The following TOGARAM2 variants were observed in gnomAD, a reference collection of about 807,000 sequenced individuals.
The protein encoded by TOGARAM2 is TOG array regulator of axonemal microtubules 2.
TOGARAM2 carries 85 observed loss-of-function variants against 93.3 expected under a neutral mutation model. That is an observed-to-expected ratio of 0.91 (90% CI 0.76 to 1.09). The LOEUF is 1.09. TOGARAM2 is among the 50% of genes least tolerant of loss of function. The pLI is 0.00. For synonymous variants in TOGARAM2, 593 were observed against 552.8 expected, an observed-to-expected ratio of 1.07 and a Z score of -1.02; for missense variants, 1,277 against 1,334.5, an observed-to-expected ratio of 0.96 and a Z score of 0.67.
At chr2:29,004,610 A>T (rs1370252366) in intron 6 of TOGARAM2, among the ~76,000 whole-genome samples, 2 of 151,038 alleles carry the variant, frequency 1.3e-5, no homozygotes, top group East Asian at 3.9e-4. Context: ...GCACACATGT[A>T]TGAGTGCCTG....
In TOGARAM2 at chr2:28,987,127, A is replaced by G. The variant is rs574543925; in HGVS notation, c.-111+5589A>G. Among the ~76,000 whole-genome samples the G allele has an allele frequency of 5.9e-5, 9 of 152,348 alleles. No homozygotes were observed. In the East Asian group the frequency reaches 1.5e-3, roughly 26 times the overall value. Reference sequence around the variant, plus strand: ...GAACCTCAATCATCTTGTCTATAAAATGAAGATGAAAATACATACTTTCTT... The same window carrying G: ...GAACCTCAATCATCTTGTCTATAAAGTGAAGATGAAAATACATACTTTCTT... On this transcript the variant is annotated intron_variant, in intron 1 of 19. Coordinates refer to ENST00000379558, the MANE Select transcript of TOGARAM2 (RefSeq NM_199280.4).
chr2:29,040,590 T>A (rs1336054226), intron 18 of TOGARAM2, among the ~76,000 whole-genome samples: 3 of 152,212 alleles, frequency 2.0e-5, no homozygotes, highest in Non-Finnish European at 4.4e-5. Context: ...GATTCATTCC[T>A]TGTTTATGAG....
At chr2:29,037,619 C>T (rs1192992699) in intron 18 of TOGARAM2, among the ~76,000 whole-genome samples, 1 of 152,152 alleles carries the variant, frequency 6.6e-6, no homozygotes, top group East Asian at 1.9e-4. Context: ...AGCCCAGCTC[C>T]CTGGGGCTGG....
At chr2:29,007,914 C>T (rs1160634462) in intron 6 of TOGARAM2, among the ~76,000 whole-genome samples, 4 of 151,904 alleles carry the variant, frequency 2.6e-5, no homozygotes, top group Non-Finnish European at 5.9e-5. Flanking sequence ...TCTCTGCAAC[C>T]CCAACAGCCT....
At chr2:28,957,069 A>G (rs1227756701) in intron 1 of TOGARAM2, among the ~76,000 whole-genome samples, 1 of 146,156 alleles carries the variant, frequency 6.8e-6, no homozygotes, top group Non-Finnish European at 1.6e-5. Context: ...GCGCCACTAC[A>G]CTCCAGCCTG....
intron 7 of TOGARAM2, 55 bp from the exon 8 acceptor site, chr2:29,014,340 G>A (rs1664422574): frequency 6.4e-7 from 1 of 1,574,440 alleles, no homozygotes; most frequent in East Asian, 2.3e-5. Flanking sequence ...CAGGGTCAGT[G>A]AGCTCAGCAG....
rs765060339 is a variant in TOGARAM2, at chr2:29,024,261, G to T, written c.1740G>T (p.Lys580Asn). Reference sequence around the variant, plus strand: ...AGATCGCCCGCTGCTTGCTGCAGAAGATGGCGGACACCAACGAGTTCATCC... The same window carrying T: ...AGATCGCCCGCTGCTTGCTGCAGAATATGGCGGACACCAACGAGTTCATCC... ...AEEIARCLLQ[K>N]MADTNEFIQR... The change falls in exon 13 of 20, where the codon AAG (lysine) becomes AAT (asparagine). Residue 580 changes from lysine to asparagine, a missense_variant. Coordinates refer to ENST00000379558, the MANE Select transcript of TOGARAM2 (RefSeq NM_199280.4). 1.5e-5 allele frequency: 24 copies of T among 1,613,036 alleles called. No individual in the cohort carries two copies. Among genetic ancestry groups the T allele is most frequent in the Non-Finnish European group, 2.0e-5 (24 of 1,179,464 alleles).
At position 29,024,126 on chromosome 2, in the gene TOGARAM2, T is replaced by A; in HGVS notation, c.1618-13T>A. ...GGTCCAGCACCCTGGAGGGCCTCTC[T>A]CCTCTCTCCAAGGTCACCAACCTGC... On this transcript the variant is annotated splice_polypyrimidine_tract_variant and intron_variant, in intron 12 of 19. Transcript: ENST00000379558. 6.4e-7 allele frequency: 1 copy of A among 1,558,780 alleles called. No homozygotes were observed. The highest frequency in any genetic ancestry group is 1.9e-5 in the Admixed American group (1 of 51,766).
At chr2:29,040,165 C>T (rs1346593867) in intron 18 of TOGARAM2, among the ~76,000 whole-genome samples, 1 of 152,128 alleles carries the variant, frequency 6.6e-6, no homozygotes, top group Non-Finnish European at 1.5e-5. Context: ...CTATTTTTGT[C>T]TATATACAAA....
intron 1 of TOGARAM2, among the ~76,000 whole-genome samples, chr2:28,985,663 G>A (rs569650588): frequency 6.6e-6 from 1 of 152,288 alleles, no homozygotes; most frequent in Non-Finnish European, 1.5e-5. Flanking sequence ...CATACGCTTT[G>A]TTACTAGGAC....
intron 19 of TOGARAM2, chr2:29,048,491 G>C (rs115792949): frequency 2.0e-5 from 3 of 152,218 alleles, no homozygotes; most frequent in Admixed American, 2.0e-4. Flanking sequence ...TTAGGCACTA[G>C]CTCCCCATTC....
At chr2:29,038,643 G>A (rs1026115195) in intron 18 of TOGARAM2, among the ~76,000 whole-genome samples, 2 of 151,892 alleles carry the variant, frequency 1.3e-5, no homozygotes, top group African/African-American at 2.4e-5. Context: ...TGGGGTTTCA[G>A]TATGTTGGCC....
chr2:29,007,042 G>T (rs1342971465), intron 6 of TOGARAM2, among the ~76,000 whole-genome samples: 1 of 152,108 alleles, frequency 6.6e-6, no homozygotes, highest in Non-Finnish European at 1.5e-5. Flanking sequence ...CTTCCTGTGT[G>T]CCCTCTTCCA....
intron 7 of TOGARAM2, among the ~76,000 whole-genome samples, chr2:29,012,467 G>A (rs1284916561): frequency 2.0e-5 from 3 of 152,172 alleles, no homozygotes; most frequent in African/African-American, 7.2e-5. Flanking sequence ...AGTCTGTGGC[G>A]AAATGCACCG....
chr2:28,978,850 G>A (rs1161410387), upstream of TOGARAM2, among the ~76,000 whole-genome samples: 1 of 152,134 alleles, frequency 6.6e-6, no homozygotes. Flanking sequence ...GGTGACATCT[G>A]GTTTCCTTCA....
intron 1 of TOGARAM2, among the ~76,000 whole-genome samples, chr2:28,993,920 C>T (rs1014145440): frequency 1.3e-5 from 2 of 152,216 alleles, no homozygotes; most frequent in Non-Finnish European, 2.9e-5. Context: ...ACGAGAACTC[C>T]TCTCTGGGGT....
At chr2:29,003,335 A>G (rs1326495642) in intron 5 of TOGARAM2, among the ~76,000 whole-genome samples, 157 bp from the exon 6 acceptor site, 1 of 152,208 alleles carries the variant, frequency 6.6e-6, no homozygotes, top group Non-Finnish European at 1.5e-5. Flanking sequence ...CAGTCTCCTC[A>G]CCAGGAGTGG....
At chr2:28,977,694 A>G (rs1286580966), upstream of TOGARAM2, among the ~76,000 whole-genome samples, 2 of 152,120 alleles carry the variant, frequency 1.3e-5, no homozygotes, top group African/African-American at 4.8e-5. Context: ...TCCTGCCCCC[A>G]AGGAGCTCAC....
At chr2:28,973,745 C>T (rs1344377155) in intron 1 of TOGARAM2, among the ~76,000 whole-genome samples, 1 of 151,954 alleles carries the variant, frequency 6.6e-6, no homozygotes, top group African/African-American at 2.4e-5. Context: ...CCAGGCTGGT[C>T]TCAAACTCCT....
Sources: allele counts gnomAD v4.1 joint callset (sites outside exome capture counted in the v4.1 genomes callset), GRCh38; gene constraint gnomAD v4.1.1; transcripts MANE v1.5; gene names NCBI Gene and HGNC (gene_info 2026-07-23, HGNC 2026-07-21).